CPPED1: variants seen among roughly 807,000 people sequenced by gnomAD.
CPPED1 encodes the protein calcineurin like phosphoesterase domain containing 1, also known as serine/threonine-protein phosphatase CPPED1.
A neutral mutation model predicts 28.0 loss-of-function variants in CPPED1; 28 were observed. The observed-to-expected ratio is 1.00, with a 90% confidence interval of 0.74 to 1.37. The LOEUF is 1.37. Among genes scored for constraint, CPPED1 ranks in the 40% most tolerant of loss-of-function variants. CPPED1 has a pLI of 0.00. For synonymous variants in CPPED1, 198 were observed against 180.2 expected, an observed-to-expected ratio of 1.10 and a Z score of -0.79; for missense variants, 504 against 416.5, an observed-to-expected ratio of 1.21 and a Z score of -1.83.
chr16:12,802,226 T>C (rs1321475796), intron 1 of CPPED1, among the ~76,000 whole-genome samples: 1 of 152,110 alleles, frequency 6.6e-6, no homozygotes, highest in East Asian at 1.9e-4. Context: ...GTATAAGGTA[T>C]ATAATCATCC....
Position 12,660,218 on chromosome 16 carries a change from G to A in CPPED1, c.*4668C>T, listed in dbSNP as rs1310491943. The A allele has an allele frequency of 6.6e-6, 1 of 152,196 alleles. No homozygotes were observed. Among genetic ancestry groups the A allele is most frequent in the Non-Finnish European group, 1.5e-5 (1 of 68,054 alleles). 9.4% of individuals were successfully genotyped at this position (152,196 alleles called of 1,614,324 possible). A position where few individuals can be genotyped will look rare whatever the true frequency, so the allele number is the denominator to read the frequency against. On this transcript the variant is annotated 3_prime_UTR_variant, in exon 4 of 4. Coordinates refer to ENST00000381774, the MANE Select transcript of CPPED1 (RefSeq NM_018340.3). ...AGAAGCCAGTTTCTAGAGAGGCACA[G>A]TGGCTCACTCATTCTAAGTGTGCTG...
At chr16:12,673,826 C>T (rs776350568) in intron 3 of CPPED1, among the ~76,000 whole-genome samples, 40 of 152,116 alleles carry the variant, frequency 2.6e-4, no homozygotes, top group Non-Finnish European at 4.4e-4. Flanking sequence ...GTTAGAGGAT[C>T]GCTTGGGGCC....
rs80127286 is a variant in CPPED1, at chr16:12,762,588, C to T, written c.289+18597G>A. Among the ~76,000 whole-genome samples the T allele has an allele frequency of 3.0e-3, 463 of 152,226 alleles. 1 individual carries two copies. The highest frequency in any genetic ancestry group is 0.011 in the African/African-American group (441 of 41,542). On this transcript the variant is annotated intron_variant, in intron 2 of 3. Transcript: ENST00000381774. ...TAAGTGAAAGAAGTCGATCCCAAGG[C>T]GCCGCATACTGTATATTTCATTTAT...
intron 3 of CPPED1, among the ~76,000 whole-genome samples, chr16:12,681,685 T>C (rs1412060344): frequency 6.6e-6 from 1 of 152,096 alleles, no homozygotes; most frequent in Non-Finnish European, 1.5e-5. Context: ...ATGTAAGTAG[T>C]TCTGCAGCAA....
At chr16:12,781,075 T>A (rs1285817708) in intron 2 of CPPED1, 110 bp downstream of exon 2, 2 of 857,336 alleles carry the variant, frequency 2.3e-6, no homozygotes, top group East Asian at 5.3e-5. Context: ...GAAAGAACGG[T>A]CCATGACTGA....
At chr16:12,800,072 C>T (rs1283748488) in intron 1 of CPPED1, among the ~76,000 whole-genome samples, 2 of 152,178 alleles carry the variant, frequency 1.3e-5, no homozygotes, top group Non-Finnish European at 2.9e-5. Context: ...GCTACTATAC[C>T]TCAGCACTCC....
chr16:12,796,624 G>A (rs984550059), intron 1 of CPPED1, among the ~76,000 whole-genome samples: 1 of 152,198 alleles, frequency 6.6e-6, no homozygotes, highest in Non-Finnish European at 1.5e-5. Flanking sequence ...TACACTGCTG[G>A]TGGGAATGTA....
intron 1 of CPPED1, among the ~76,000 whole-genome samples, chr16:12,802,999 C>T (rs1220720012): frequency 1.3e-5 from 2 of 152,188 alleles, no homozygotes; most frequent in African/African-American, 4.8e-5. Flanking sequence ...AATCAACAAA[C>T]CAGAAACAAA....
chr16:12,781,948 C>T (rs1468225587), intron 1 of CPPED1, among the ~76,000 whole-genome samples: 2 of 150,350 alleles, frequency 1.3e-5, no homozygotes, highest in Non-Finnish European at 2.9e-5. Flanking sequence ...AATGAAATCT[C>T]GGAATGAGTA....
intron 2 of CPPED1, among the ~76,000 whole-genome samples, chr16:12,748,237 T>C (rs935862700): frequency 6.6e-6 from 1 of 152,214 alleles, no homozygotes; most frequent in Non-Finnish European, 1.5e-5. Context: ...AATGGTTAAC[T>C]AAATTGTGTT....
intron 3 of CPPED1, among the ~76,000 whole-genome samples, chr16:12,703,950 G>C (rs949007959): frequency 2.0e-5 from 3 of 152,090 alleles, no homozygotes; most frequent in African/African-American, 7.2e-5. Context: ...GCACGTGTCT[G>C]TCACATATAT....
chr16:12,778,964 T>C (rs1003180274), intron 2 of CPPED1, among the ~76,000 whole-genome samples: 2 of 152,208 alleles, frequency 1.3e-5, no homozygotes, highest in Non-Finnish European at 2.9e-5. Context: ...CTGGCGGGGC[T>C]GATCATAAAA....
At chr16:12,734,064 T>G (rs984121130) in intron 2 of CPPED1, among the ~76,000 whole-genome samples, 30 of 112,628 alleles carry the variant, frequency 2.7e-4, no homozygotes, top group African/African-American at 8.5e-4. Flanking sequence ...ACACGTTTTT[T>G]TTTTTTTTTT....
rs988797580 is a variant in CPPED1, at chr16:12,781,190, A to G, written c.284T>C (p.Met95Thr). The change falls in exon 2 of 4, where the codon ATG becomes ACG. Residue 95 changes from methionine to threonine, a missense_variant. Physicochemically the swap from Met to Thr is moderately conservative, Grantham distance 81. Transcript: ENST00000381774. ...AGCGATGACCCGAGTCTTACCTGGC[A>G]TGGCGTGGATGAGGTCGCCGCACAG... ...FVLCGDLIHA[M>T]PGKPWRTEQT... is the part of the protein sequence containing the mutation. 1 of 1,612,400 alleles carries G rather than the reference A, an allele frequency of 6.2e-7. No homozygotes were observed. The highest frequency in any genetic ancestry group is 8.5e-7 in the Non-Finnish European group (1 of 1,179,236).
At chr16:12,761,901 C>T (rs1386026329) in intron 2 of CPPED1, among the ~76,000 whole-genome samples, 2 of 152,006 alleles carry the variant, frequency 1.3e-5, no homozygotes, top group Non-Finnish European at 1.5e-5. Flanking sequence ...ATTCCAGCTA[C>T]TCACTCGGGA....
chr16:12,771,154 G>C (rs900046148), intron 2 of CPPED1, among the ~76,000 whole-genome samples: 2 of 152,182 alleles, frequency 1.3e-5, no homozygotes, highest in African/African-American at 4.8e-5. Context: ...AGAACTTCAT[G>C]TTTCAATATA....
At chr16:12,791,548 C>A (rs1042648623) in intron 1 of CPPED1, among the ~76,000 whole-genome samples, 1 of 152,188 alleles carries the variant, frequency 6.6e-6, no homozygotes. Flanking sequence ...CATCATTCCA[C>A]GTCTACAACA....
intron 2 of CPPED1, among the ~76,000 whole-genome samples, chr16:12,730,866 C>A (rs1178780581): frequency 2.0e-5 from 3 of 152,150 alleles, no homozygotes; most frequent in Non-Finnish European, 4.4e-5. Flanking sequence ...TCACATGCTC[C>A]AGCTCTTTAC....
chr16:12,724,932 A>G (rs1596461082), intron 2 of CPPED1, among the ~76,000 whole-genome samples: 2 of 151,702 alleles, frequency 1.3e-5, no homozygotes, highest in Non-Finnish European at 2.9e-5. Flanking sequence ...GACTACAGGC[A>G]CCTGCCACCA....
Sources: allele counts gnomAD v4.1 joint callset (sites outside exome capture counted in the v4.1 genomes callset), GRCh38; gene constraint gnomAD v4.1.1; transcripts MANE v1.5; gene names NCBI Gene and HGNC (gene_info 2026-07-23, HGNC 2026-07-21).